Variants in WWOX observed in about 807,000 individuals in gnomAD.
WWOX encodes WW domain containing oxidoreductase, also known as WW domain-containing oxidoreductase.
WWOX carries 69 observed loss-of-function variants against 46.2 expected under a neutral mutation model. The observed-to-expected ratio is 1.49, with a 90% confidence interval of 1.23 to 1.82. The LOEUF (loss-of-function observed/expected upper bound fraction) is 1.82, where lower values mean the gene tolerates loss of function less well. WWOX is among the 40% of genes most tolerant of loss of function. WWOX has a pLI of 0.00. For missense variants in WWOX, 919 were observed against 542.6 expected (o/e 1.69, Z -6.89); for synonymous variants, 359 against 202.6 (o/e 1.77, Z -6.56).
chr16:78,849,145 C>T (rs1418827126), intron 8 of WWOX, among the ~76,000 whole-genome samples: 1 of 152,130 alleles, frequency 6.6e-6, no homozygotes, highest in Non-Finnish European at 1.5e-5. Context: ...AACTGTGTAC[C>T]CCTCCTAGTT....
At chr16:78,402,606 G>C (rs1259401845) in intron 6 of WWOX, among the ~76,000 whole-genome samples, 1 of 152,108 alleles carries the variant, frequency 6.6e-6, no homozygotes, top group African/African-American at 2.4e-5. Context: ...TCCCTGGGAC[G>C]TGCCTGGTAT....
intron 8 of WWOX, among the ~76,000 whole-genome samples, chr16:78,633,757 C>T (rs2046497494): frequency 6.6e-6 from 1 of 152,216 alleles, no homozygotes; most frequent in African/African-American, 2.4e-5. Flanking sequence ...ATGTATGATT[C>T]ATCAAGAGGA....
intron 8 of WWOX, among the ~76,000 whole-genome samples, chr16:78,957,126 G>C (rs940998979): frequency 6.6e-6 from 1 of 152,168 alleles, no homozygotes; most frequent in Non-Finnish European, 1.5e-5. Context: ...TTTATATGCA[G>C]AAGGTTGAAA....
In WWOX at chr16:78,144,669, C is replaced by T. The variant is rs11643889; in HGVS notation, c.410-19514C>T. Among the ~76,000 whole-genome samples the T allele has an allele frequency of 8.0e-3, 1,199 of 149,604 alleles. 13 individuals are homozygous for T. The highest frequency in any genetic ancestry group is 0.011 in the Non-Finnish European group (755 of 67,472). The stretch of plus-strand genomic sequence containing the variant: ...CCCAATAGCTGGGATTACAGGTGCA[C>T]GCTACCATGCCCGGCTGATTTTTGT... On this transcript the variant is annotated intron_variant, in intron 4 of 8. Transcript: ENST00000566780.
intron 8 of WWOX, among the ~76,000 whole-genome samples, chr16:79,069,067 G>T (rs946825543): frequency 6.6e-6 from 1 of 152,136 alleles, no homozygotes; most frequent in African/African-American, 2.4e-5. Flanking sequence ...TCAGTAAAGC[G>T]CAGAGCAGAT....
At chr16:79,166,650 A>G (rs2050600521) in intron 8 of WWOX, among the ~76,000 whole-genome samples, 2 of 152,140 alleles carry the variant, frequency 1.3e-5, no homozygotes, top group African/African-American at 4.8e-5. Flanking sequence ...CAAACTACCA[A>G]TTTCATTTAA....
intron 8 of WWOX, among the ~76,000 whole-genome samples, chr16:79,192,637 A>G (rs964089656): frequency 3.9e-5 from 6 of 152,170 alleles, no homozygotes; most frequent in South Asian, 2.1e-4. Context: ...GTGTGGCCCT[A>G]TGCTTACAAG....
rs144209196 is a variant in WWOX, at chr16:78,984,356, T to A, written c.1057-227252T>A. 2.7e-4 allele frequency among the ~76,000 whole-genome samples: 41 copies of A among 152,266 alleles called. 1 individual carries two copies. In the East Asian group the frequency reaches 7.7e-3, roughly 29 times the overall value. On this transcript the variant is annotated intron_variant, in intron 8 of 8. Transcript: ENST00000566780. ...ACTCTCTAGGTCAAGAATCAGCAAA[T>A]GTTTTCTATAGAGGCCCGTAAAATT...
intron 8 of WWOX, among the ~76,000 whole-genome samples, chr16:78,783,940 G>A (rs910270070): frequency 7.9e-5 from 12 of 151,908 alleles, no homozygotes; most frequent in Admixed American, 7.2e-4. Context: ...TGGTGATGCT[G>A]GTGCTGTTGG....
At chr16:78,833,903 G>A (rs769465258) in intron 8 of WWOX, among the ~76,000 whole-genome samples, 3 of 152,226 alleles carry the variant, frequency 2.0e-5, no homozygotes, top group Non-Finnish European at 4.4e-5. Context: ...TTGTCTCCCA[G>A]TGGAATATAA....
chr16:79,133,573 T>G (rs2049924509), intron 8 of WWOX, among the ~76,000 whole-genome samples: 1 of 152,198 alleles, frequency 6.6e-6, no homozygotes, highest in Non-Finnish European at 1.5e-5. Flanking sequence ...CTTTATTATT[T>G]TAATGGAGTG....
At chr16:79,173,011 A>T (rs975710061) in intron 8 of WWOX, among the ~76,000 whole-genome samples, 3 of 152,118 alleles carry the variant, frequency 2.0e-5, no homozygotes, top group African/African-American at 7.2e-5. Flanking sequence ...ACAGAGCAAG[A>T]CCCCATCTCT....
In WWOX at chr16:78,755,542, T is replaced by A. The variant is rs150009201; in HGVS notation, c.1056+322790T>A. On this transcript the variant is annotated intron_variant, in intron 8 of 8. Coordinates refer to ENST00000566780, the MANE Select transcript of WWOX (RefSeq NM_016373.4). Reference sequence around the variant, plus strand: ...GTGGCTGTATCCTGGTGTTGTAATATCAAATAATTCTACATTATTTAGTAA... The same window carrying A: ...GTGGCTGTATCCTGGTGTTGTAATAACAAATAATTCTACATTATTTAGTAA... 3.4e-3 allele frequency among the ~76,000 whole-genome samples: 515 copies of A among 152,284 alleles called. 4 individuals carry two copies. The highest frequency in any genetic ancestry group is 0.017 in the Middle Eastern group (5 of 294).
chr16:78,700,544 A>G (rs1262864050), intron 8 of WWOX, among the ~76,000 whole-genome samples: 2 of 152,150 alleles, frequency 1.3e-5, no homozygotes, highest in Non-Finnish European at 2.9e-5. Context: ...GTGTGCCCCA[A>G]TTTACTGTCA....
intron 8 of WWOX, among the ~76,000 whole-genome samples, chr16:78,778,253 C>T (rs1275921448): frequency 1.3e-5 from 2 of 152,042 alleles, no homozygotes; most frequent in African/African-American, 4.8e-5. Context: ...CCCTGTGTCT[C>T]CTTTGTGGAG....
At chr16:79,201,987 ACAGT>A (rs1433471617) in intron 8 of WWOX, among the ~76,000 whole-genome samples, 1 of 152,222 alleles carries the variant, frequency 6.6e-6, no homozygotes, top group African/African-American at 2.4e-5. Context: ...GTCTTTAATA[ACAGT>A]CTTAATCGTG....
chr16:78,759,510 G>A (rs1336017611), intron 8 of WWOX, among the ~76,000 whole-genome samples: 1 of 152,098 alleles, frequency 6.6e-6, no homozygotes, highest in East Asian at 1.9e-4. Flanking sequence ...TGTCATCAAG[G>A]AGCAGTGGGT....
intron 8 of WWOX, among the ~76,000 whole-genome samples, chr16:78,624,794 GTAT>G (rs1429294333): frequency 6.6e-5 from 10 of 152,166 alleles, no homozygotes; most frequent in Admixed American, 2.6e-4. Flanking sequence ...GAACGAGAAG[GTAT>G]TATTCCCTGT....
chr16:78,101,856 C>T (rs2031814536), intron 1 of WWOX, among the ~76,000 whole-genome samples: 1 of 152,130 alleles, frequency 6.6e-6, no homozygotes, highest in Non-Finnish European at 1.5e-5. Context: ...AGTTGTCATC[C>T]TTAGGACCCA....
Sources: allele counts gnomAD v4.1 joint callset (sites outside exome capture counted in the v4.1 genomes callset), GRCh38; gene constraint gnomAD v4.1.1; transcripts MANE v1.5; gene names NCBI Gene and HGNC (gene_info 2026-07-23, HGNC 2026-07-21).